KPNA3: variants seen among roughly 807,000 people sequenced by gnomAD.
KPNA3 encodes karyopherin subunit alpha 3, also known as importin subunit alpha-4.
Under a neutral mutation model 73.8 loss-of-function variants are expected in KPNA3, and 13 were observed. The observed-to-expected ratio is 0.18, with a 90% CI of 0.11 to 0.28. The LOEUF (loss-of-function observed/expected upper bound fraction) is 0.28, where lower values mean the gene tolerates loss of function less well. Ranked by LOEUF, KPNA3 falls within the 10% of genes least tolerant of loss-of-function variation. KPNA3 has a pLI of 1.00. For missense variants in KPNA3, 360 were observed against 618.1 expected (o/e 0.58, Z 4.43); for synonymous variants, 186 against 206.9 (o/e 0.90, Z 0.87).
intron 1 of KPNA3, among the ~76,000 whole-genome samples, chr13:49,775,006 T>G (rs1204087543): frequency 1.3e-5 from 2 of 151,666 alleles, no homozygotes; most frequent in Non-Finnish European, 2.9e-5. Context: ...ATACAAAAAT[T>G]TGCCACTTAT....
At chr13:49,746,276 A>G (rs981655974) in intron 2 of KPNA3, among the ~76,000 whole-genome samples, 4 of 152,024 alleles carry the variant, frequency 2.6e-5, no homozygotes, top group African/African-American at 9.7e-5. Flanking sequence ...AGTGAGACCT[A>G]GTCTCTACAA....
intron 1 of KPNA3, among the ~76,000 whole-genome samples, chr13:49,782,019 G>C (rs977093034): frequency 1.3e-5 from 2 of 152,172 alleles, no homozygotes; most frequent in African/African-American, 4.8e-5. Context: ...CTGTCAAGAT[G>C]AATCAATTAG....
intron 1 of KPNA3, among the ~76,000 whole-genome samples, chr13:49,788,680 C>CCA (rs1029486359): frequency 6.7e-6 from 1 of 149,714 alleles, no homozygotes; most frequent in African/African-American, 2.5e-5. Context: ...CGAGATTGGG[C>CCA]CACTGCACTC....
intron 9 of KPNA3, 112 bp from the exon 10 acceptor site, chr13:49,719,931 T>C: frequency 3.0e-6 from 2 of 667,068 alleles, no homozygotes; most frequent in Non-Finnish European, 2.5e-6. Context: ...AGAAAGACAA[T>C]GTTAAATTTG....
At position 49,775,179 on chromosome 13, in the gene KPNA3, A is replaced by G. The variant is rs12873316; in HGVS notation, c.69+17259T>C. Among the ~76,000 whole-genome samples, 101 of 102,174 alleles carry G rather than the reference A, an allele frequency of 9.9e-4. 1 individual carries two copies. Among genetic ancestry groups the G allele is most frequent in the African/African-American group, 3.4e-3 (90 of 26,786 alleles). 67.0% of individuals were successfully genotyped at this position (102,174 alleles called of 152,430 possible). ...CTCTGTCTCAAAAAAAAAAAAAAAA[A>G]AAAAAAAGAAAAAAGAAAAAAGAAT... is the stretch of plus-strand genomic sequence containing the variant. On this transcript the variant is annotated intron_variant, in intron 1 of 16. Coordinates refer to ENST00000261667, the MANE Select transcript of KPNA3 (RefSeq NM_002267.4).
rs536738356 is a variant in KPNA3 at position 49,702,961 on chromosome 13, T to C, written c.1373-481A>G. 4.6e-5 allele frequency among the ~76,000 whole-genome samples: 7 copies of C among 151,858 alleles called. No homozygotes were observed. In the East Asian group the frequency reaches 7.8e-4, roughly 17 times the overall value. On this transcript the variant is annotated intron_variant, in intron 15 of 16. Transcript: ENST00000261667. Reference sequence around the variant, plus strand: ...TCGGCTCACTGCAAGCTCCGCCTCCTGGGTTCATGCCATTCTCCCGCCTAA... The same window carrying C: ...TCGGCTCACTGCAAGCTCCGCCTCCCGGGTTCATGCCATTCTCCCGCCTAA...
chr13:49,767,416 T>C (rs3936843), intron 1 of KPNA3, among the ~76,000 whole-genome samples: 2 of 96,100 alleles, frequency 2.1e-5, no homozygotes, highest in African/African-American at 7.2e-5. Flanking sequence ...TCTGTCTCAA[T>C]AAAAAAAAAA....
chr13:49,775,883 T>G (rs976447721), intron 1 of KPNA3, among the ~76,000 whole-genome samples: 1 of 152,212 alleles, frequency 6.6e-6, no homozygotes, highest in South Asian at 2.1e-4. Context: ...CTTTTTGTAC[T>G]ACAATAGCCC....
At chr13:49,762,383 G>A (rs1206517776) in intron 1 of KPNA3, among the ~76,000 whole-genome samples, 1 of 152,236 alleles carries the variant, frequency 6.6e-6, no homozygotes, top group Non-Finnish European at 1.5e-5. Context: ...AGCTCATCGA[G>A]AACGGGCCAT....
In KPNA3 at chr13:49,700,293, ACACCCCC is replaced by A. The variant is rs1200535414; in HGVS notation, c.*1500_*1506del. ...CTGTCTCATCTTCATCACAGTAAAT[ACACCCCC>A]CAATGGATAACTAAATTAGTTTAGA... On this transcript the variant is annotated 3_prime_UTR_variant, in exon 17 of 17. Transcript: ENST00000261667. 1.3e-5 allele frequency: 2 copies of A among 152,602 alleles called. No homozygotes were observed. The highest frequency in any genetic ancestry group is 2.9e-5 in the Non-Finnish European group (2 of 68,028). The allele number at this position is 152,602 out of a possible 1,614,324, so 9.5% of individuals were successfully genotyped here. A position where few individuals can be genotyped will look rare whatever the true frequency, so the allele number is the denominator to read the frequency against.
chr13:49,760,038 C>T (rs1304884214), intron 1 of KPNA3, among the ~76,000 whole-genome samples: 1 of 152,170 alleles, frequency 6.6e-6, no homozygotes, highest in African/African-American at 2.4e-5. Flanking sequence ...CCAATTCCCC[C>T]AAATCATCTG....
intron 1 of KPNA3, among the ~76,000 whole-genome samples, chr13:49,761,487 A>G (rs1384656788): frequency 6.6e-6 from 1 of 152,274 alleles, no homozygotes; most frequent in Non-Finnish European, 1.5e-5. Context: ...GTGATCTGCC[A>G]GCCTCGGCCT....
rs188388155 is a variant in KPNA3, at chr13:49,774,413, G to C, written c.69+18025C>G. The stretch of plus-strand genomic sequence containing the variant: ...CTAGGCCTGGATGTCCAGCTGCCTG[G>C]TTTCCTCTGGTTTATAAATTCAGAA... On this transcript the variant is annotated intron_variant, in intron 1 of 16. Coordinates refer to ENST00000261667, the MANE Select transcript of KPNA3 (RefSeq NM_002267.4). Among the ~76,000 whole-genome samples, 12 of 152,236 alleles carry C rather than the reference G, an allele frequency of 7.9e-5. No homozygotes were observed. The East Asian group carries it at 2.3e-3, about 29-fold the overall frequency.
At chr13:49,791,946 G>C (rs1047245202) in intron 1 of KPNA3, among the ~76,000 whole-genome samples, 4 of 152,200 alleles carry the variant, frequency 2.6e-5, no homozygotes, top group Non-Finnish European at 5.9e-5. Context: ...CGCCCGCCTG[G>C]GCCCGGCTCG....
intron 6 of KPNA3, among the ~76,000 whole-genome samples, chr13:49,727,577 G>A (rs1332379801): frequency 6.6e-6 from 1 of 152,052 alleles, no homozygotes; most frequent in Non-Finnish European, 1.5e-5. Context: ...TGGAACATAT[G>A]AGAAAATGAA....
intron 1 of KPNA3, among the ~76,000 whole-genome samples, chr13:49,790,727 G>A (rs1304761065): frequency 6.6e-6 from 1 of 152,130 alleles, no homozygotes; most frequent in African/African-American, 2.4e-5. Context: ...GCAAATATTT[G>A]TTGTGTACCT....
At chr13:49,791,640 C>G (rs988060002) in intron 1 of KPNA3, among the ~76,000 whole-genome samples, 4 of 152,150 alleles carry the variant, frequency 2.6e-5, no homozygotes, top group African/African-American at 9.7e-5. Context: ...GAAATTATCA[C>G]CCTATGCACA....
At chr13:49,772,716 T>G (rs1440398808) in intron 1 of KPNA3, among the ~76,000 whole-genome samples, 2 of 152,146 alleles carry the variant, frequency 1.3e-5, no homozygotes, top group African/African-American at 4.8e-5. Flanking sequence ...GGCAGGAGAA[T>G]TGCTTGAACC....
chr13:49,702,529 A>ATCTC, intron 15 of KPNA3, 49 bp from the exon 16 acceptor site: 9 of 930,374 alleles, frequency 9.7e-6, no homozygotes, highest in Non-Finnish European at 1.5e-5. Context: ...ATAAGGAGAT[A>ATCTC]CTAATCAAAA....
Sources: gnomAD v4.1 joint callset for allele counts (sites outside exome capture counted in the v4.1 genomes callset) on GRCh38, gnomAD v4.1.1 for gene constraint, MANE v1.5 for transcripts, NCBI Gene and HGNC (gene_info 2026-07-23, HGNC 2026-07-21) for gene names.